Variants in ESD observed in about 807,000 individuals in gnomAD.
ESD encodes esterase D, also known as S-formylglutathione hydrolase.
A neutral mutation model predicts 38.1 loss-of-function variants in ESD; 34 were observed. The ratio of observed to expected loss-of-function variants is 0.89; its 90% confidence interval spans 0.68 to 1.19. The LOEUF is 1.19. Ranked by LOEUF, ESD falls within the 50% of genes most tolerant of loss-of-function variation. The pLI, the probability that ESD is intolerant of heterozygous loss-of-function variation, is 0.00. For missense variants in ESD, 334 were observed against 327.2 expected, an observed-to-expected ratio of 1.02 and a Z score of -0.16; for synonymous variants, 97 against 107.0, an observed-to-expected ratio of 0.91 and a Z score of 0.58.
At chr13:46,773,041 A>C (rs1874667188) in intron 9 of ESD, among the ~76,000 whole-genome samples, 1 of 152,016 alleles carries the variant, frequency 6.6e-6, no homozygotes, top group Non-Finnish European at 1.5e-5. Flanking sequence ...TTCCAACTCC[A>C]TCCATGTCCC....
At chr13:46,790,052 G>A (rs1403184021) in intron 3 of ESD, among the ~76,000 whole-genome samples, 1 of 149,918 alleles carries the variant, frequency 6.7e-6, no homozygotes, top group East Asian at 2.0e-4. Flanking sequence ...ATGTTGGCCA[G>A]GTTGGTCTCG....
chr13:46,776,727 C>A (rs1382341728), intron 9 of ESD: 2 of 152,084 alleles, frequency 1.3e-5, no homozygotes, highest in Non-Finnish European at 2.9e-5. Flanking sequence ...ATGTGCCTGA[C>A]ACATTATCCT....
At chr13:46,787,141 A>G in intron 3 of ESD, 32 bp from the exon 4 acceptor site, 1 of 1,269,302 alleles carries the variant, frequency 7.9e-7, no homozygotes. Context: ...ACAAAATATT[A>G]ATGCCCCTCA....
chr13:46,776,398 C>T (rs1012115106), intron 9 of ESD: 8 of 152,090 alleles, frequency 5.3e-5, no homozygotes, highest in African/African-American at 1.9e-4. Flanking sequence ...TAATTCCATT[C>T]CTTTGCTCCT....
Position 46,781,528 on chromosome 13 carries a change from TC to T in ESD, c.468del (p.Ile157SerfsTer4). The T allele has an allele frequency of 6.2e-7, 1 of 1,608,276 alleles. No homozygotes were observed. The highest frequency in any genetic ancestry group is 8.5e-7 in the Non-Finnish European group (1 of 1,176,200). ...TTTCCAGGATTTTTCAAAGCACAGA[TC>T]AGAGCTCCATGACCTCCCATGGAGT... ...FGHSMGGHGA[L>X]ICALKNPGKY... On this transcript the variant is annotated frameshift_variant, in exon 7 of 10. Transcript: ENST00000378720. LOFTEE classifies it high-confidence loss of function.
chr13:46,781,874 T>C (rs1875015326), intron 6 of ESD, among the ~76,000 whole-genome samples: 1 of 151,834 alleles, frequency 6.6e-6, no homozygotes, highest in Non-Finnish European at 1.5e-5. Context: ...AAAATGCTTT[T>C]AAGTTTTGAC....
Position 46,790,417 on chromosome 13 carries a change from C to T in ESD, c.68+929G>A, listed in dbSNP as rs763444889. 6.6e-5 allele frequency among the ~76,000 whole-genome samples: 10 copies of T among 152,122 alleles called. 1 individual carries two copies. The highest frequency in any genetic ancestry group is 9.7e-5 in the African/African-American group (4 of 41,426). On this transcript the variant is annotated intron_variant, in intron 3 of 9. Coordinates refer to ENST00000378720, the MANE Select transcript of ESD (RefSeq NM_001984.2). Reference sequence around the variant, plus strand: ...TCTTGAAATCTCTTCCTTTGGGCTACTCAAACTCCCCACAAAGAAATTCTT... The same window carrying T: ...TCTTGAAATCTCTTCCTTTGGGCTATTCAAACTCCCCACAAAGAAATTCTT...
At chr13:46,794,319 C>G (rs1017380930) in intron 1 of ESD, among the ~76,000 whole-genome samples, 12 of 152,054 alleles carry the variant, frequency 7.9e-5, no homozygotes, top group Admixed American at 1.3e-4. Flanking sequence ...AAGGTCAAAC[C>G]TTACTGTTCT....
intron 3 of ESD, 31 bp downstream of exon 3, chr13:46,791,315 G>GT (rs3831339): frequency 0.12 from 178,709 of 1,463,062 alleles, 14,440 homozygotes; most frequent in East Asian, 0.38. Context: ...ACAGAATGAG[G>GT]TATCTAAAAT....
intron 9 of ESD, among the ~76,000 whole-genome samples, chr13:46,773,971 G>A (rs1222096424): frequency 1.3e-5 from 2 of 152,168 alleles, no homozygotes; most frequent in Non-Finnish European, 2.9e-5. Flanking sequence ...CCTGTAAAAT[G>A]TACCAAGTAT....
chr13:46,771,522 A>C, intron 9 of ESD, 26 bp from the exon 10 acceptor site: 1 of 1,369,186 alleles, frequency 7.3e-7, no homozygotes, highest in Non-Finnish European at 1.0e-6. Flanking sequence ...ATGATAAGAC[A>C]TTTATCTACC....
intron 8 of ESD, among the ~76,000 whole-genome samples, chr13:46,778,294 CA>C (rs1290872364): frequency 6.6e-6 from 1 of 151,802 alleles, no homozygotes; most frequent in Non-Finnish European, 1.5e-5. Context: ...TCATTAACCA[CA>C]ACTTTATACA....
At chr13:46,773,108 T>G (rs1446334332) in intron 9 of ESD, among the ~76,000 whole-genome samples, 1 of 152,246 alleles carries the variant, frequency 6.6e-6, no homozygotes, top group Non-Finnish European at 1.5e-5. Context: ...ATGGTGCATA[T>G]GTACCACATT....
At chr13:46,792,801 G>T (rs1457320133) in intron 2 of ESD, among the ~76,000 whole-genome samples, 1 of 151,868 alleles carries the variant, frequency 6.6e-6, no homozygotes, top group Non-Finnish European at 1.5e-5. Flanking sequence ...CTTAAATAAT[G>T]AACTTATAGA....
At chr13:46,781,312 G>A (rs963466418) in intron 7 of ESD, among the ~76,000 whole-genome samples, 184 bp downstream of exon 7, 11 of 151,638 alleles carry the variant, frequency 7.3e-5, no homozygotes, top group African/African-American at 2.4e-4. Flanking sequence ...ATTCCTATGC[G>A]TCTGATTCTG....
intron 4 of ESD, among the ~76,000 whole-genome samples, chr13:46,785,124 A>C (rs1875148700): frequency 6.6e-6 from 1 of 152,000 alleles, no homozygotes; most frequent in Non-Finnish European, 1.5e-5. Flanking sequence ...ACCATATGCC[A>C]TCCTTAAATT....
chr13:46,777,260 T>C (rs927484317), intron 9 of ESD, 196 bp downstream of exon 9: 1 of 389,448 alleles, frequency 2.6e-6, no homozygotes, highest in African/African-American at 2.1e-5. Context: ...TGCCAAAAGC[T>C]TTCCTATTTC....
At chr13:46,775,759 T>C in intron 9 of ESD, 2 of 446,034 alleles carry the variant, frequency 4.5e-6, no homozygotes, top group South Asian at 1.7e-5. Flanking sequence ...TTTGAATACT[T>C]TCTTACTTTT....
chr13:46,791,634 A>C (rs1361110369), intron 2 of ESD, among the ~76,000 whole-genome samples: 3 of 152,014 alleles, frequency 2.0e-5, no homozygotes, highest in Non-Finnish European at 4.4e-5. Context: ...AAGCTTTCAT[A>C]CTTTGGTATA....
Sources: allele counts gnomAD v4.1 joint callset (sites outside exome capture counted in the v4.1 genomes callset), GRCh38; gene constraint gnomAD v4.1.1; transcripts MANE v1.5; gene names NCBI Gene and HGNC (gene_info 2026-07-23, HGNC 2026-07-21).